GBE1: variants seen among roughly 807,000 people sequenced by gnomAD.
GBE1 encodes 1,4-alpha-glucan-branching enzyme.
A neutral mutation model predicts 88.8 loss-of-function variants in GBE1; 70 were observed. The observed-to-expected ratio is 0.79, with a 90% CI of 0.65 to 0.96. GBE1 has a LOEUF of 0.96. GBE1 is among the 40% of genes least tolerant of loss of function. The probability of loss-of-function intolerance (pLI) is 0.00; values close to 1 mark genes in which losing one functional copy is unlikely to be tolerated. For missense variants in GBE1, 872 were observed against 871.0 expected, an observed-to-expected ratio of 1.00 and a Z score of -0.01; for synonymous variants, 284 against 300.1, an observed-to-expected ratio of 0.95 and a Z score of 0.56.
intron 12 of GBE1, among the ~76,000 whole-genome samples, chr3:81,563,549 T>C (rs1012986434): frequency 2.0e-5 from 3 of 152,088 alleles, no homozygotes; most frequent in Non-Finnish European, 4.4e-5. Context: ...TTAATGCCCA[T>C]TGTATATTAA....
At chr3:81,680,247 G>A (rs1705318864) in intron 2 of GBE1, among the ~76,000 whole-genome samples, 1 of 152,070 alleles carries the variant, frequency 6.6e-6, no homozygotes, top group Non-Finnish European at 1.5e-5. Flanking sequence ...TAAACCCAGC[G>A]CTTTGGGAGG....
chr3:81,687,442 T>A (rs1705457698), intron 2 of GBE1, among the ~76,000 whole-genome samples: 1 of 152,200 alleles, frequency 6.6e-6, no homozygotes, highest in Non-Finnish European at 1.5e-5. Flanking sequence ...AGAAAATGAT[T>A]GGGAAGTCGA....
chr3:81,520,795 G>A (rs899672196), intron 14 of GBE1, among the ~76,000 whole-genome samples: 1 of 151,506 alleles, frequency 6.6e-6, no homozygotes, highest in African/African-American at 2.4e-5. Flanking sequence ...CTGAAGATTA[G>A]CAGCTAAAAA....
chr3:81,722,892 G>GTATATA lies in GBE1; in HGVS notation c.144-17280_144-17279insTATATA, dbSNP rs201396919. On this transcript the variant is annotated intron_variant, in intron 1 of 15. Coordinates refer to ENST00000429644, the MANE Select transcript of GBE1 (RefSeq NM_000158.4). The stretch of plus-strand genomic sequence containing the variant: ...TGGGCACACACACGTGTGTGTGTGT[G>GTATATA]TGTGTATATATATATATATATATAC... Among the ~76,000 whole-genome samples, 63 of 102,128 alleles carry GTATATA rather than the reference G, an allele frequency of 6.2e-4. 1 individual carries two copies. The highest frequency in any genetic ancestry group is 3.9e-3 in the Admixed American group (41 of 10,602). The allele number at this position is 102,128 out of a possible 152,430, so 67.0% of individuals were successfully genotyped here. A position where few individuals can be genotyped will look rare whatever the true frequency, so the allele number is the denominator to read the frequency against.
Position 81,592,932 on chromosome 3 carries a change from A to G in GBE1, c.1108+976T>C, listed in dbSNP as rs1350401926. On this transcript the variant is annotated intron_variant, in intron 8 of 15. Coordinates refer to ENST00000429644, the MANE Select transcript of GBE1 (RefSeq NM_000158.4). ...TCAAGTGGGCAGCATCATGAGTAAG[A>G]TCAAGCAGTAGCACACTTTGAATGT... Among the ~76,000 whole-genome samples the G allele has an allele frequency of 2.0e-5, 3 of 152,268 alleles. No individual in the cohort carries two copies. In the East Asian group the frequency reaches 5.8e-4, roughly 29 times the overall value.
intron 14 of GBE1, among the ~76,000 whole-genome samples, chr3:81,504,785 G>A (rs527591155): frequency 1.1e-3 from 163 of 152,288 alleles, no homozygotes; most frequent in Non-Finnish European, 2.0e-3. Flanking sequence ...TACTTCAAAA[G>A]CTGCTGTGTT....
intron 15 of GBE1, among the ~76,000 whole-genome samples, chr3:81,491,262 C>T (rs1466586879): frequency 6.6e-6 from 1 of 152,144 alleles, no homozygotes; most frequent in Admixed American, 6.6e-5. Flanking sequence ...CTTTTCCAAT[C>T]ATGGCAGCTT....
chr3:81,631,374 T>G (rs1704506094), intron 7 of GBE1, among the ~76,000 whole-genome samples: 1 of 152,092 alleles, frequency 6.6e-6, no homozygotes, highest in Non-Finnish European at 1.5e-5. Flanking sequence ...ACATAAAATC[T>G]ACACAGTAAT....
Position 81,490,404 on chromosome 3 carries a change from T to C in GBE1, c.*3A>G. On this transcript the variant is annotated 3_prime_UTR_variant, in exon 16 of 16. Coordinates refer to ENST00000429644, the MANE Select transcript of GBE1 (RefSeq NM_000158.4). ...CATCTGGTGGAGCTGAAATCAGGCC[T>C]CTTCAATTCGGCAGATCCACATTCT... The C allele has an allele frequency of 6.2e-7, 1 of 1,611,934 alleles. No individual in the cohort carries two copies. Among genetic ancestry groups the C allele is most frequent in the African/African-American group, 1.3e-5 (1 of 74,934 alleles).
chr3:81,597,482 A>ATAT (rs1703974023), intron 7 of GBE1, among the ~76,000 whole-genome samples: 1 of 137,792 alleles, frequency 7.3e-6, no homozygotes, highest in East Asian at 2.1e-4. Flanking sequence ...TATATCTCAA[A>ATAT]ATATATATAT....
At chr3:81,741,424 T>C (rs1300918446) in intron 1 of GBE1, among the ~76,000 whole-genome samples, 1 of 152,104 alleles carries the variant, frequency 6.6e-6, no homozygotes, top group South Asian at 2.1e-4. Flanking sequence ...CCACTCCACT[T>C]GAGAAAGAGC....
Position 81,750,467 on chromosome 3 carries a change from CAAGAT to C in GBE1, c.143+10903_143+10907del, listed in dbSNP as rs199514159. ...AAAACTGACCATTTTTTCATGAGCC[CAAGAT>C]AAGATGAAAAAATTATTAGTAATTA... On this transcript the variant is annotated intron_variant, in intron 1 of 15. Transcript: ENST00000429644. Among the ~76,000 whole-genome samples, 667 of 142,722 alleles carry C rather than the reference CAAGAT, an allele frequency of 4.7e-3. 6 individuals carry two copies. The highest frequency in any genetic ancestry group is 0.012 in the Admixed American group (170 of 14,072). 93.6% of individuals were successfully genotyped at this position (142,722 alleles called of 152,430 possible).
intron 14 of GBE1, among the ~76,000 whole-genome samples, chr3:81,530,815 T>G (rs578017914): frequency 6.6e-6 from 1 of 151,794 alleles, no homozygotes; most frequent in Non-Finnish European, 1.5e-5. Context: ...CTGGTGACTA[T>G]TGTCTGGGTA....
intron 1 of GBE1, among the ~76,000 whole-genome samples, chr3:81,758,167 A>C (rs1706629167): frequency 6.6e-6 from 1 of 152,240 alleles, no homozygotes; most frequent in South Asian, 2.1e-4. Flanking sequence ...CCCATCACTT[A>C]GTTTCTTCAT....
At chr3:81,587,477 A>G (rs1267414966) in intron 9 of GBE1, among the ~76,000 whole-genome samples, 2 of 152,172 alleles carry the variant, frequency 1.3e-5, no homozygotes, top group African/African-American at 2.4e-5. Context: ...CTTATGAGAC[A>G]GTCCGCTCCT....
chr3:81,755,907 G>T (rs1706595291), intron 1 of GBE1, among the ~76,000 whole-genome samples: 2 of 151,922 alleles, frequency 1.3e-5, no homozygotes, highest in Admixed American at 1.3e-4. Flanking sequence ...TAAAAATGGT[G>T]AATTATATAT....
chr3:81,544,236 A>G (rs1703177207), intron 12 of GBE1, among the ~76,000 whole-genome samples: 1 of 152,170 alleles, frequency 6.6e-6, no homozygotes, highest in Non-Finnish European at 1.5e-5. Flanking sequence ...TATTCAACAG[A>G]TAAGAGGCTT....
intron 15 of GBE1, among the ~76,000 whole-genome samples, chr3:81,491,396 G>A (rs529965430): frequency 6.6e-6 from 1 of 152,184 alleles, no homozygotes; most frequent in African/African-American, 2.4e-5. Context: ...CTAACCCTCA[G>A]TTGGTGCCAC....
intron 7 of GBE1, among the ~76,000 whole-genome samples, chr3:81,610,292 T>C (rs549869877): frequency 2.6e-5 from 4 of 152,292 alleles, no homozygotes; most frequent in South Asian, 2.1e-4. Flanking sequence ...ATTTTAAAAA[T>C]CCTTTTACAG....
Sources: allele counts gnomAD v4.1 joint callset (sites outside exome capture counted in the v4.1 genomes callset), GRCh38; gene constraint gnomAD v4.1.1; transcripts MANE v1.5; gene names NCBI Gene and HGNC (gene_info 2026-07-23, HGNC 2026-07-21).